Variants in STRBP observed in about 807,000 individuals in gnomAD.
STRBP encodes spermatid perinuclear RNA-binding protein.
STRBP carries 13 observed loss-of-function variants against 80.1 expected under a neutral mutation model. The observed-to-expected ratio is 0.16, with a 90% confidence interval of 0.11 to 0.26. The LOEUF is 0.26. Ranked by LOEUF, STRBP falls within the 10% of genes least tolerant of loss-of-function variation. STRBP has a pLI of 1.00. For missense variants in STRBP, 485 were observed against 815.2 expected (o/e 0.59, Z 4.93); for synonymous variants, 284 against 291.2 (o/e 0.98, Z 0.25).
Position 123,125,618 on chromosome 9 carries a change from A to G in STRBP, c.1998T>C (p.Val666=). The G allele has an allele frequency of 6.2e-7, 1 of 1,613,600 alleles. No homozygotes were observed. Among genetic ancestry groups the G allele is most frequent in the Non-Finnish European group, 8.5e-7 (1 of 1,179,796 alleles). Residue 666 remains valine (V), a synonymous_variant, in exon 19 of 19, where the codon GTT becomes GTC. Coordinates refer to ENST00000348403, the MANE Select transcript of STRBP (RefSeq NM_018387.5). ...LPVMKFPTYP[V]PHYSFF is the part of the protein sequence containing the mutation. ...TTTGCTAAAAGAATGAGTAGTGGGG[A>G]ACAGGATATGTTGGAAATTTCATAA...
At chr9:123,184,865 T>TAGGG in intron 2 of STRBP, among the ~76,000 whole-genome samples, 1 of 152,210 alleles carries the variant, frequency 6.6e-6, no homozygotes, top group Non-Finnish European at 1.5e-5. Flanking sequence ...TCCCTGGGCC[T>TAGGG]GTATGCACTG....
At chr9:123,181,119 A>T (rs1029490555) in intron 3 of STRBP, 2 of 160,746 alleles carry the variant, frequency 1.2e-5, no homozygotes, top group Non-Finnish European at 2.6e-5. Context: ...GCTAAAATAG[A>T]TTACAAAGCT....
chr9:123,256,549 T>G (rs1039831200), intron 1 of STRBP, among the ~76,000 whole-genome samples: 1 of 152,110 alleles, frequency 6.6e-6, no homozygotes, highest in Admixed American at 6.6e-5. Context: ...CCAAAACGCT[T>G]GTAATATTAA....
chr9:123,224,595 G>A (rs2040176280), intron 2 of STRBP, among the ~76,000 whole-genome samples: 1 of 152,134 alleles, frequency 6.6e-6, no homozygotes, highest in Non-Finnish European at 1.5e-5. Flanking sequence ...AGAGGAGAAA[G>A]ACAAAACAAG....
At chr9:123,241,634 AT>A (rs1390645660) in intron 1 of STRBP, among the ~76,000 whole-genome samples, 1 of 152,138 alleles carries the variant, frequency 6.6e-6, no homozygotes, top group Non-Finnish European at 1.5e-5. Flanking sequence ...AAAAAAAAAA[AT>A]CTAGGCATTA....
chr9:123,195,956 C>A (rs985868713), intron 2 of STRBP, among the ~76,000 whole-genome samples: 1 of 152,178 alleles, frequency 6.6e-6, no homozygotes, highest in Non-Finnish European at 1.5e-5. Context: ...AATTATATGA[C>A]AGAGCTGTTG....
At chr9:123,166,754 G>GCAA (rs72023338) in intron 6 of STRBP, among the ~76,000 whole-genome samples, 386 of 147,312 alleles carry the variant, frequency 2.6e-3, no homozygotes, top group African/African-American at 8.6e-3. Flanking sequence ...ACTGTCTCCA[G>GCAA]CAACAACAAC....
chr9:123,111,214 A>T (rs1285952204), intron 3 of STRBP: 1 of 170,986 alleles, frequency 5.8e-6, no homozygotes, highest in Non-Finnish European at 1.4e-5. Flanking sequence ...TGCCTCGGAA[A>T]TGCGTGTGTC....
chr9:123,160,204 G>A (rs1306059450), intron 8 of STRBP, among the ~76,000 whole-genome samples, 163 bp downstream of exon 8: 1 of 152,162 alleles, frequency 6.6e-6, no homozygotes, highest in Non-Finnish European at 1.5e-5. Flanking sequence ...CACAAAAGAA[G>A]AATTCGCTTA....
intron 1 of STRBP, among the ~76,000 whole-genome samples, chr9:123,263,107 A>T (rs768922860): frequency 6.6e-6 from 1 of 152,230 alleles, no homozygotes; most frequent in Non-Finnish European, 1.5e-5. Context: ...TTCCAATAAA[A>T]GGACCTATGC....
At chr9:123,187,535 G>A (rs555553264) in intron 2 of STRBP, among the ~76,000 whole-genome samples, 3 of 152,302 alleles carry the variant, frequency 2.0e-5, no homozygotes, top group East Asian at 3.8e-4. Flanking sequence ...TACATCAGAT[G>A]TATGTAAATT....
At chr9:123,161,747 C>T (rs2037531432) in intron 6 of STRBP, among the ~76,000 whole-genome samples, 1 of 152,070 alleles carries the variant, frequency 6.6e-6, no homozygotes, top group South Asian at 2.1e-4. Context: ...TAAAAAGCAA[C>T]AAAGAACACT....
chr9:123,140,569 G>A (rs2036547962), intron 13 of STRBP, among the ~76,000 whole-genome samples: 2 of 152,028 alleles, frequency 1.3e-5, no homozygotes, highest in Non-Finnish European at 2.9e-5. Flanking sequence ...ACTCCAGCCT[G>A]GGCAACAGAG....
chr9:123,197,065 ATG>A (rs2039118375), intron 2 of STRBP, among the ~76,000 whole-genome samples: 1 of 152,230 alleles, frequency 6.6e-6, no homozygotes, highest in South Asian at 2.1e-4. Context: ...ATAAAAAAGA[ATG>A]AGATCTTGTT....
rs149297394 is a variant in STRBP at position 123,142,485 on chromosome 9, A to C, written c.1339-2798T>G. On this transcript the variant is annotated intron_variant, in intron 13 of 18. Transcript: ENST00000348403. The stretch of plus-strand genomic sequence containing the variant: ...CTCAGGTACTTCTTTATAGCAGTGC[A>C]AGAATGGACTAATACGTCCATCACT... 9.8e-5 allele frequency among the ~76,000 whole-genome samples: 15 copies of C among 152,314 alleles called. No individual in the cohort carries two copies. The East Asian group carries it at 2.7e-3, about 27-fold the overall frequency.
chr9:123,225,672 G>C (rs1287444782), intron 2 of STRBP, among the ~76,000 whole-genome samples: 1 of 152,166 alleles, frequency 6.6e-6, no homozygotes, highest in East Asian at 1.9e-4. Context: ...AGCACCCCCT[G>C]ATGGTATTGG....
At chr9:123,252,597 T>C (rs1458260848) in intron 1 of STRBP, among the ~76,000 whole-genome samples, 1 of 152,252 alleles carries the variant, frequency 6.6e-6, no homozygotes, top group Non-Finnish European at 1.5e-5. Context: ...TTTATGGAAG[T>C]ACCTAGTATT....
chr9:123,153,958 G>C (rs1421091434), intron 11 of STRBP, among the ~76,000 whole-genome samples: 1 of 152,182 alleles, frequency 6.6e-6, no homozygotes, highest in African/African-American at 2.4e-5. Context: ...AACAGAGCTA[G>C]AAGAACAAAG....
chr9:123,169,195 G>A (rs2037901594), intron 6 of STRBP, among the ~76,000 whole-genome samples: 1 of 147,146 alleles, frequency 6.8e-6, no homozygotes, highest in South Asian at 2.1e-4. Context: ...TTTTGGCAGA[G>A]TCTTGCTCTG....
Sources: allele counts gnomAD v4.1 joint callset (sites outside exome capture counted in the v4.1 genomes callset), GRCh38; gene constraint gnomAD v4.1.1; transcripts MANE v1.5; gene names NCBI Gene and HGNC (gene_info 2026-07-23, HGNC 2026-07-21).